LGR6: variants seen among roughly 807,000 people sequenced by gnomAD.
LGR6 encodes the protein leucine-rich repeat-containing G protein-coupled receptor 6.
A neutral mutation model predicts 69.4 loss-of-function variants in LGR6; 45 were observed. The observed-to-expected ratio is 0.65, with a 90% confidence interval of 0.51 to 0.83. LGR6 has a LOEUF of 0.83. LGR6 is among the 40% of genes least tolerant of loss of function. The pLI, the probability that LGR6 is intolerant of heterozygous loss-of-function variation, is 0.00. For synonymous variants in LGR6, 538 were observed against 555.0 expected (o/e 0.97, Z 0.43); for missense variants, 1,108 against 1,246.7 (o/e 0.89, Z 1.68).
At chr1:202,251,763 T>G (rs1284484680) in intron 4 of LGR6, among the ~76,000 whole-genome samples, 1 of 152,114 alleles carries the variant, frequency 6.6e-6, no homozygotes, top group Non-Finnish European at 1.5e-5. Flanking sequence ...ATCTGCTAAC[T>G]GGGGGCCTGA....
chr1:202,258,810 G>T lies in LGR6; in HGVS notation c.429-17496G>T, dbSNP rs543529703. Among the ~76,000 whole-genome samples, 375 of 151,880 alleles carry T rather than the reference G, an allele frequency of 2.5e-3. 3 individuals carry two copies. Among genetic ancestry groups the T allele is most frequent in the African/African-American group, 8.5e-3 (353 of 41,448 alleles). Reference sequence around the variant, plus strand: ...CTCTTATTTCTGTTTCCTGTCTTATGCGTTAGAGCTTTCAGAACAATGACT... The same window carrying T: ...CTCTTATTTCTGTTTCCTGTCTTATTCGTTAGAGCTTTCAGAACAATGACT... On this transcript the variant is annotated intron_variant, in intron 4 of 17. Coordinates refer to ENST00000367278, the MANE Select transcript of LGR6 (RefSeq NM_001017403.2).
intron 4 of LGR6, among the ~76,000 whole-genome samples, chr1:202,258,070 C>G (rs909362264): frequency 1.3e-5 from 2 of 151,820 alleles, no homozygotes; most frequent in Non-Finnish European, 2.9e-5. Flanking sequence ...CTTATTGATG[C>G]TATTTTAAGT....
chr1:202,286,159 A>G (rs899366305), intron 6 of LGR6, among the ~76,000 whole-genome samples: 1 of 152,206 alleles, frequency 6.6e-6, no homozygotes, highest in African/African-American at 2.4e-5. Flanking sequence ...AAATAAGCTC[A>G]CATTCACAGG....
chr1:202,203,577 A>G (rs1283932704), intron 1 of LGR6, among the ~76,000 whole-genome samples: 1 of 152,168 alleles, frequency 6.6e-6, no homozygotes, highest in Admixed American at 6.5e-5. Flanking sequence ...TCATTTGTTC[A>G]TGTGACAAAT....
At position 202,297,565 on chromosome 1, in the gene LGR6, A is replaced by G; in HGVS notation, c.774A>G (p.Arg258=). The G allele has an allele frequency of 1.9e-6, 3 of 1,613,728 alleles. No homozygotes were observed. Among genetic ancestry groups the G allele is most frequent in the South Asian group, 2.2e-5 (2 of 91,028 alleles). The change falls in exon 7 of 18, where the codon AGA becomes AGG. Residue 258 remains arginine, a synonymous_variant. Transcript: ENST00000367278. The stretch of plus-strand genomic sequence containing the variant: ...CTGTGGCCATCCGGACCCTGGGCAG[A>G]CTGCAGGAACTGTAAGCGCCTCTTT... ...EFPVAIRTLG[R]LQELGFHNNN... is the part of the protein sequence containing the mutation.
chr1:202,260,713 G>A (rs140587911), intron 4 of LGR6, among the ~76,000 whole-genome samples: 337 of 152,120 alleles, frequency 2.2e-3, no homozygotes, highest in Non-Finnish European at 3.2e-3. Flanking sequence ...ACAACAGATG[G>A]CAACTGTATT....
chr1:202,220,692 C>T (rs1660092545), intron 1 of LGR6, among the ~76,000 whole-genome samples: 1 of 150,548 alleles, frequency 6.6e-6, no homozygotes, highest in Admixed American at 6.7e-5. Context: ...GCTCAGTAAG[C>T]ACTGTTGAGT....
chr1:202,314,555 TAGAA>T (rs1281268576), intron 16 of LGR6, among the ~76,000 whole-genome samples: 1 of 152,118 alleles, frequency 6.6e-6, no homozygotes, highest in African/African-American at 2.4e-5. Context: ...CCCTGACTAA[TAGAA>T]AGAGAAGGTC....
rs1405802041 is a variant in LGR6, at chr1:202,318,804, T to C, written c.2501T>C (p.Phe834Ser). 9.3e-6 allele frequency: 15 copies of C among 1,613,344 alleles called. No homozygotes were observed. Among genetic ancestry groups the C allele is most frequent in the Non-Finnish European group, 1.3e-5 (15 of 1,179,844 alleles). Residue 834 changes from phenylalanine (F) to serine (S), a missense_variant, in exon 18 of 18, where the codon TTC becomes TCC. Phe to Ser is a radical substitution (Grantham distance 155). Coordinates refer to ENST00000367278, the MANE Select transcript of LGR6 (RefSeq NM_001017403.2). ...CTGTACCTGCTCTTCAACCCCCACT[T>C]CCGGGATGACCTTCGGCGGCTTCGG... ...PLLYLLFNPH[F>S]RDDLRRLRPR...
chr1:202,254,102 G>T (rs1465738636), intron 4 of LGR6, among the ~76,000 whole-genome samples: 4 of 151,932 alleles, frequency 2.6e-5, no homozygotes, highest in African/African-American at 9.7e-5. Context: ...ACCGCGCCCG[G>T]CCTCTGGCTA....
chr1:202,284,689 C>T (rs1666266386), intron 6 of LGR6, among the ~76,000 whole-genome samples: 1 of 152,094 alleles, frequency 6.6e-6, no homozygotes, highest in East Asian at 1.9e-4. Context: ...GCTAGTCTAG[C>T]CTGACAGCTA....
In LGR6 at chr1:202,254,027, G is replaced by A. The variant is rs543164668; in HGVS notation, c.428+18034G>A. On this transcript the variant is annotated intron_variant, in intron 4 of 17. Coordinates refer to ENST00000367278, the MANE Select transcript of LGR6 (RefSeq NM_001017403.2). ...TCACCGTTTTAGCCGGGATGGTCTC[G>A]ATCTCCTGACCTCGTGATCCGCCCG... Among the ~76,000 whole-genome samples, 850 of 150,980 alleles carry A rather than the reference G, an allele frequency of 5.6e-3. 8 individuals carry two copies. Among genetic ancestry groups the A allele is most frequent in the African/African-American group, 0.02 (818 of 41,102 alleles).
At chr1:202,283,665 G>A (rs1462000854) in intron 6 of LGR6, among the ~76,000 whole-genome samples, 1 of 152,162 alleles carries the variant, frequency 6.6e-6, no homozygotes, top group Admixed American at 6.5e-5. Flanking sequence ...GCCAGGTGCG[G>A]GCATGCACAC....
intron 1 of LGR6, among the ~76,000 whole-genome samples, chr1:202,214,694 C>A (rs958491243): frequency 3.3e-5 from 5 of 152,150 alleles, no homozygotes; most frequent in African/African-American, 1.2e-4. Context: ...TAAAAAGGAT[C>A]AAATTAAATG....
intron 15 of LGR6, among the ~76,000 whole-genome samples, chr1:202,309,652 A>C (rs1409174832): frequency 2.0e-5 from 3 of 152,230 alleles, no homozygotes; most frequent in African/African-American, 7.2e-5. Flanking sequence ...TGCATGGCCC[A>C]AGCCTTGTCT....
intron 2 of LGR6, 23 bp from the exon 3 acceptor site, chr1:202,227,913 T>C: frequency 6.3e-7 from 1 of 1,597,064 alleles, no homozygotes; most frequent in Non-Finnish European, 8.6e-7. Context: ...CCAACATCGC[T>C]GACCCTTGTC....
At chr1:202,255,512 A>T (rs1037375069) in intron 4 of LGR6, among the ~76,000 whole-genome samples, 1 of 152,220 alleles carries the variant, frequency 6.6e-6, no homozygotes, top group African/African-American at 2.4e-5. Context: ...CTCAGGCTGC[A>T]GAGTCCGTGG....
intron 16 of LGR6, among the ~76,000 whole-genome samples, chr1:202,313,455 G>A (rs1019204881): frequency 1.3e-5 from 2 of 151,910 alleles, no homozygotes; most frequent in Non-Finnish European, 2.9e-5. Context: ...AAAGCATGAT[G>A]GTTAAACATC....
intron 3 of LGR6, among the ~76,000 whole-genome samples, chr1:202,228,369 T>C (rs1278432238): frequency 6.6e-6 from 1 of 152,164 alleles, no homozygotes; most frequent in Non-Finnish European, 1.5e-5. Context: ...TAAGACTGTT[T>C]CTGGAGAGGG....
Sources: allele counts gnomAD v4.1 joint callset (sites outside exome capture counted in the v4.1 genomes callset), GRCh38; gene constraint gnomAD v4.1.1; transcripts MANE v1.5; gene names NCBI Gene and HGNC (gene_info 2026-07-23, HGNC 2026-07-21).